Variants in STARD6 observed in about 807,000 individuals in gnomAD.
STARD6 encodes StAR related lipid transfer domain containing 6, also known as stAR-related lipid transfer protein 6.
A neutral mutation model predicts 22.3 loss-of-function variants in STARD6; 21 were observed. That is an observed-to-expected ratio of 0.94 (90% CI 0.67 to 1.35). STARD6 has a LOEUF of 1.35. STARD6 is among the 40% of genes most tolerant of loss of function. The pLI is 0.00. For missense variants in STARD6, 269 were observed against 266.9 expected (o/e 1.01, Z -0.05); for synonymous variants, 80 against 88.1 (o/e 0.91, Z 0.52).
Position 54,357,603 on chromosome 18 carries a change from C to G in STARD6, c.-89+189G>C, listed in dbSNP as rs576126074. Among the ~76,000 whole-genome samples the G allele has an allele frequency of 5.3e-5, 8 of 152,278 alleles. No homozygotes were observed. In the South Asian group the frequency reaches 1.7e-3, roughly 32 times the overall value. On this transcript the variant is annotated intron_variant, in intron 1 of 7. Coordinates refer to ENST00000307844, the MANE Select transcript of STARD6 (RefSeq NM_139171.2). ...CGACCGGAACGACAGCCGCCAGCGCCCTTAAGTCTCCCTCCCCACCCAGTC... is the reference window on the plus strand; with the variant it reads ...CGACCGGAACGACAGCCGCCAGCGCGCTTAAGTCTCCCTCCCCACCCAGTC...
chr18:54,335,767 TC>T (rs1449971844), intron 5 of STARD6, among the ~76,000 whole-genome samples: 1 of 152,036 alleles, frequency 6.6e-6, no homozygotes, highest in Non-Finnish European at 1.5e-5. Context: ...CCCCCTTAGT[TC>T]CCTCTCTCCT....
At chr18:54,352,093 T>C (rs528311160) in intron 4 of STARD6, among the ~76,000 whole-genome samples, 20 of 151,886 alleles carry the variant, frequency 1.3e-4, no homozygotes, top group African/African-American at 4.8e-4. Context: ...GTTGGCAATT[T>C]AAAAAATTAT....
At chr18:54,352,642 A>T (rs2089108353) in intron 4 of STARD6, among the ~76,000 whole-genome samples, 1 of 152,208 alleles carries the variant, frequency 6.6e-6, no homozygotes, top group African/African-American at 2.4e-5. Context: ...ATAAATACCT[A>T]GTATACAGTG....
At chr18:54,342,099 A>G (rs139712434) in intron 4 of STARD6, among the ~76,000 whole-genome samples, 2 of 152,398 alleles carry the variant, frequency 1.3e-5, no homozygotes, top group Non-Finnish European at 2.9e-5. Flanking sequence ...TTGTAAGAGA[A>G]GAATGATGTG....
intron 4 of STARD6, 172 bp downstream of exon 4, chr18:54,353,882 T>C (rs1051422541): frequency 4.8e-6 from 2 of 414,408 alleles, no homozygotes; most frequent in East Asian, 8.0e-5. Context: ...GAAGATTAGA[T>C]GGTATCTGAT....
chr18:54,349,207 T>G (rs1787816), intron 4 of STARD6, among the ~76,000 whole-genome samples: 115,892 of 152,070 alleles, frequency 0.76, 45,018 homozygotes, highest in African/African-American at 0.93. Flanking sequence ...AATAGAGGTT[T>G]AGTGTGTGTA....
intron 4 of STARD6, among the ~76,000 whole-genome samples, chr18:54,342,335 A>C (rs1671708117): frequency 1.3e-5 from 2 of 152,204 alleles, no homozygotes; most frequent in African/African-American, 4.8e-5. Flanking sequence ...TCCACAAACT[A>C]TTCCAGAAAA....
Position 54,336,577 on chromosome 18 carries a change from G to A in STARD6, c.267+548C>T, listed in dbSNP as rs151105215. Among the ~76,000 whole-genome samples, 665 of 152,162 alleles carry A rather than the reference G, an allele frequency of 4.4e-3. 3 individuals carry two copies. The highest frequency in any genetic ancestry group is 7.1e-3 in the Non-Finnish European group (486 of 68,014). Reference sequence around the variant, plus strand: ...CACCTACTCTTAAACATTATATGCCGTTCGTTCTTTAAGTCCTTATGGTAT... The same window carrying A: ...CACCTACTCTTAAACATTATATGCCATTCGTTCTTTAAGTCCTTATGGTAT... On this transcript the variant is annotated intron_variant, in intron 5 of 7. Coordinates refer to ENST00000307844, the MANE Select transcript of STARD6 (RefSeq NM_139171.2).
At chr18:54,331,894 T>TA (rs2088869222) in intron 5 of STARD6, 35 bp from the exon 6 acceptor site, 1 of 1,397,076 alleles carries the variant, frequency 7.2e-7, no homozygotes, top group Admixed American at 1.8e-5. Context: ...TAACAAACGT[T>TA]ACTTAATATC....
chr18:54,342,318 T>A (rs2088976536), intron 4 of STARD6, among the ~76,000 whole-genome samples: 1 of 152,214 alleles, frequency 6.6e-6, no homozygotes, highest in Admixed American at 6.5e-5. Flanking sequence ...AATTTTTACA[T>A]AAATCCTCCA....
At chr18:54,335,513 A>G (rs1162332537) in intron 5 of STARD6, among the ~76,000 whole-genome samples, 3 of 152,058 alleles carry the variant, frequency 2.0e-5, no homozygotes, top group Non-Finnish European at 4.4e-5. Context: ...TATTTTTATC[A>G]TGGCCTTAAT....
intron 2 of STARD6, among the ~76,000 whole-genome samples, chr18:54,355,074 T>C (rs1473755982): frequency 6.6e-6 from 1 of 152,320 alleles, no homozygotes; most frequent in Non-Finnish European, 1.5e-5. Context: ...TTAAAGTGCG[T>C]AGCAGTGGCA....
intron 4 of STARD6, among the ~76,000 whole-genome samples, chr18:54,339,942 A>G (rs1210650917): frequency 6.6e-6 from 1 of 152,176 alleles, no homozygotes; most frequent in Non-Finnish European, 1.5e-5. Context: ...GACAATAAAC[A>G]CAACAGAGGG....
intron 4 of STARD6, among the ~76,000 whole-genome samples, chr18:54,338,458 A>C (rs2088936830): frequency 6.6e-6 from 1 of 152,196 alleles, no homozygotes; most frequent in South Asian, 2.1e-4. Context: ...GCAAGTAAAA[A>C]GTCAGAGCAG....
chr18:54,325,623 C>T (rs1481152941), intron 7 of STARD6, among the ~76,000 whole-genome samples: 2 of 151,974 alleles, frequency 1.3e-5, no homozygotes, highest in African/African-American at 2.4e-5. Flanking sequence ...TTCTAGTTCA[C>T]TGCAGCCTCG....
intron 4 of STARD6, among the ~76,000 whole-genome samples, chr18:54,351,641 G>T (rs2089097354): frequency 6.6e-6 from 1 of 151,958 alleles, no homozygotes; most frequent in Non-Finnish European, 1.5e-5. Flanking sequence ...TTTTGTTGAG[G>T]GTTTTAGTCA....
intron 1 of STARD6, among the ~76,000 whole-genome samples, chr18:54,356,834 C>G (rs539279322): frequency 2.0e-5 from 3 of 152,172 alleles, no homozygotes; most frequent in Non-Finnish European, 4.4e-5. Flanking sequence ...ATTAATTGAT[C>G]TAGAGACTTT....
chr18:54,351,777 C>G (rs1187628172), intron 4 of STARD6, among the ~76,000 whole-genome samples: 1 of 152,172 alleles, frequency 6.6e-6, no homozygotes, highest in African/African-American at 2.4e-5. Flanking sequence ...ACCATCCCCA[C>G]ATCCTGGGTA....
intron 7 of STARD6, among the ~76,000 whole-genome samples, chr18:54,325,828 G>C (rs1332587337): frequency 6.6e-6 from 1 of 152,076 alleles, no homozygotes; most frequent in African/African-American, 2.4e-5. Flanking sequence ...GGGATTACAG[G>C]TGTGACCCAC....
Sources: allele counts gnomAD v4.1 joint callset (sites outside exome capture counted in the v4.1 genomes callset), GRCh38; gene constraint gnomAD v4.1.1; transcripts MANE v1.5; gene names NCBI Gene and HGNC (gene_info 2026-07-23, HGNC 2026-07-21).